CLOCK: variants seen among roughly 807,000 people sequenced by gnomAD.
The protein encoded by CLOCK is circadian locomoter output cycles protein kaput.
A neutral mutation model predicts 118.4 loss-of-function variants in CLOCK; 43 were observed. The ratio of observed to expected loss-of-function variants is 0.36; its 90% CI spans 0.28 to 0.47. CLOCK has a LOEUF of 0.47. CLOCK is among the 20% of genes least tolerant of loss of function. The probability of loss-of-function intolerance (pLI) is 1.00; values close to 1 mark genes in which losing one functional copy is unlikely to be tolerated. For synonymous variants in CLOCK, 326 were observed against 339.2 expected, an observed-to-expected ratio of 0.96 and a Z score of 0.43; for missense variants, 846 against 999.9, an observed-to-expected ratio of 0.85 and a Z score of 2.08.
intron 2 of CLOCK, among the ~76,000 whole-genome samples, chr4:55,507,379 G>A (rs1434721220): frequency 6.6e-6 from 1 of 152,114 alleles, no homozygotes; most frequent in East Asian, 1.9e-4. Flanking sequence ...TTGGAAGGCT[G>A]AGGTTGGGGG....
chr4:55,496,281 A>C (rs17085842), intron 2 of CLOCK, among the ~76,000 whole-genome samples: 5,403 of 151,866 alleles, frequency 0.036, 111 homozygotes, highest in Non-Finnish European at 0.054. Flanking sequence ...GAAAAAAAAA[A>C]CTGTGCCAGC....
chr4:55,446,490 C>CA (rs759523921), intron 18 of CLOCK, among the ~76,000 whole-genome samples: 2 of 152,172 alleles, frequency 1.3e-5, no homozygotes, highest in Non-Finnish European at 2.9e-5. Flanking sequence ...CCCAAAGTTG[C>CA]AAAAATCTGA....
At position 55,482,832 on chromosome 4, in the gene CLOCK, AGG is replaced by A; in HGVS notation, c.-43-6_-43-5del. ...GTAGTAGACATTTGTACTTCTCCTTAGGTGAAAAGAAAAATAAATGGTCATTA... is the reference window on the plus strand; with the variant it reads ...GTAGTAGACATTTGTACTTCTCCTTATGAAAAGAAAAATAAATGGTCATTA... On this transcript the variant is annotated splice_region_variant and splice_polypyrimidine_tract_variant and intron_variant, in intron 3 of 22. Transcript: ENST00000513440. The A allele has an allele frequency of 7.2e-7, 1 of 1,380,984 alleles. No homozygotes were observed. Among genetic ancestry groups the A allele is most frequent in the Non-Finnish European group, 1.0e-6 (1 of 982,838 alleles). 85.5% of individuals were successfully genotyped at this position (1,380,984 alleles called of 1,614,324 possible). A position where few individuals can be genotyped will look rare whatever the true frequency, so the allele number is the denominator to read the frequency against.
chr4:55,522,317 CTAATT>C (rs976705765), intron 1 of CLOCK, among the ~76,000 whole-genome samples: 2 of 151,872 alleles, frequency 1.3e-5, no homozygotes, highest in African/African-American at 2.4e-5. Context: ...AATCTGAAGT[CTAATT>C]TAATTTAAAT....
At chr4:55,515,028 C>G (rs1346064434) in intron 1 of CLOCK, among the ~76,000 whole-genome samples, 1 of 152,118 alleles carries the variant, frequency 6.6e-6, no homozygotes, top group African/African-American at 2.4e-5. Context: ...TGATTTCTAT[C>G]TTAAAAGATT....
intron 2 of CLOCK, among the ~76,000 whole-genome samples, chr4:55,504,423 A>C (rs1352086901): frequency 1.3e-5 from 2 of 152,174 alleles, no homozygotes; most frequent in African/African-American, 4.8e-5. Context: ...TATTAAATGT[A>C]AAGTGCTTAG....
At chr4:55,445,972 T>C (rs1201322615) in intron 18 of CLOCK, among the ~76,000 whole-genome samples, 2 of 152,096 alleles carry the variant, frequency 1.3e-5, no homozygotes, top group Admixed American at 1.3e-4. Flanking sequence ...TTTTTTATAT[T>C]ATTCCTGTTC....
At position 55,435,570 on chromosome 4, in the gene CLOCK, G is replaced by A; in HGVS notation, c.2386C>T (p.Pro796Ser). The change falls in exon 23 of 23, where the codon CCC (proline) becomes TCC (serine). Residue 796 changes from proline to serine, a missense_variant. Physicochemically the swap from Pro to Ser is moderately conservative, Grantham distance 74. This residue lies in a region of CLOCK where 520 missense variants were observed against 558.0 expected (regional missense o/e 0.93). Coordinates refer to ENST00000513440, the MANE Select transcript of CLOCK (RefSeq NM_004898.4). Reference protein sequence around the residue: ...LQTSRLLHGNPSTQLILSAAF... With the variant: ...LQTSRLLHGNSSTQLILSAAF... ...GCAGAGAGAATGAGTTGAGTTGAGGGATTCCCATGGAGCAACCTAGAAGTC... is the reference window on the plus strand; with the variant it reads ...GCAGAGAGAATGAGTTGAGTTGAGGAATTCCCATGGAGCAACCTAGAAGTC... 6.2e-7 allele frequency: 1 copy of A among 1,613,932 alleles called. No individual in the cohort carries two copies. The highest frequency in any genetic ancestry group is 8.5e-7 in the Non-Finnish European group (1 of 1,179,892).
intron 7 of CLOCK, among the ~76,000 whole-genome samples, chr4:55,471,134 G>A (rs1014366286): frequency 1.6e-4 from 24 of 152,274 alleles, no homozygotes; most frequent in African/African-American, 5.5e-4. Context: ...AGATGCTAAT[G>A]TCTCCAAAGC....
At chr4:55,447,273 G>A (rs189925980) in intron 18 of CLOCK, among the ~76,000 whole-genome samples, 91 of 152,138 alleles carry the variant, frequency 6.0e-4, no homozygotes, top group Admixed American at 1.8e-3. Flanking sequence ...AGACTGAGGC[G>A]GGATCGCCTG....
intron 1 of CLOCK, among the ~76,000 whole-genome samples, chr4:55,546,253 C>G (rs1165328963): frequency 6.6e-6 from 1 of 152,200 alleles, no homozygotes; most frequent in East Asian, 1.9e-4. Context: ...CGCCCTCAAG[C>G]CGCCCGGCCC....
intron 7 of CLOCK, among the ~76,000 whole-genome samples, chr4:55,471,201 T>A (rs574008776): frequency 6.6e-6 from 1 of 152,328 alleles, no homozygotes; most frequent in South Asian, 2.1e-4. Flanking sequence ...GTTATTATCA[T>A]GGATATGTTA....
At chr4:55,443,507 A>G (rs1317737361) in intron 20 of CLOCK, among the ~76,000 whole-genome samples, 180 bp downstream of exon 20, 2 of 152,076 alleles carry the variant, frequency 1.3e-5, no homozygotes, top group African/African-American at 4.8e-5. Flanking sequence ...AAAGCTGAAA[A>G]TATTTGATAC....
chr4:55,486,117 T>G (rs1482515896), intron 3 of CLOCK, among the ~76,000 whole-genome samples: 1 of 152,196 alleles, frequency 6.6e-6, no homozygotes, highest in African/African-American at 2.4e-5. Context: ...ATATTTGGAG[T>G]TAACATCATT....
At position 55,435,649 on chromosome 4, in the gene CLOCK, T is replaced by A. The variant is rs1560409518; in HGVS notation, c.2362-55A>T. 3.2e-6 allele frequency: 5 copies of A among 1,559,146 alleles called. No homozygotes were observed. In the South Asian group the frequency reaches 5.6e-5, roughly 17 times the overall value. On this transcript the variant is annotated intron_variant, in intron 22 of 22. Transcript: ENST00000513440. Reference sequence around the variant, plus strand: ...CTTTACTCCCTTTATGGCACCCACATAATAGTTACTCACACTCTCCCCTGT... The same window carrying A: ...CTTTACTCCCTTTATGGCACCCACAAAATAGTTACTCACACTCTCCCCTGT...
At chr4:55,499,597 G>A (rs746641338) in intron 2 of CLOCK, among the ~76,000 whole-genome samples, 6 of 152,216 alleles carry the variant, frequency 3.9e-5, no homozygotes, top group Non-Finnish European at 5.9e-5. Flanking sequence ...GAGCTCAGGC[G>A]CTAATGCTCA....
At chr4:55,451,861 T>C (rs892355142) in intron 15 of CLOCK, among the ~76,000 whole-genome samples, 1 of 152,174 alleles carries the variant, frequency 6.6e-6, no homozygotes, top group Non-Finnish European at 1.5e-5. Context: ...AGCAGGGAAG[T>C]TGTTTGCATT....
At chr4:55,460,447 C>T (rs1161360460) in intron 9 of CLOCK, among the ~76,000 whole-genome samples, 1 of 152,104 alleles carries the variant, frequency 6.6e-6, no homozygotes, top group Non-Finnish European at 1.5e-5. Flanking sequence ...TTTCAAGCTC[C>T]CTTCGTCTAT....
intron 7 of CLOCK, among the ~76,000 whole-genome samples, chr4:55,474,761 A>G (rs1726383891): frequency 6.6e-6 from 1 of 152,210 alleles, no homozygotes; most frequent in African/African-American, 2.4e-5. Flanking sequence ...ATGACAGCAC[A>G]TCTGTTGACA....
Sources: gnomAD v4.1 joint callset for allele counts (sites outside exome capture counted in the v4.1 genomes callset) on GRCh38, gnomAD v4.1.1 for gene constraint, gnomAD v4.1.1 regional missense constraint, MANE v1.5 for transcripts, NCBI Gene and HGNC (gene_info 2026-07-23, HGNC 2026-07-21) for gene names.